The following EPB41L5 variants were observed in gnomAD, a reference collection of about 807,000 sequenced individuals.
EPB41L5 encodes the protein band 4.1-like protein 5.
EPB41L5 carries 55 observed loss-of-function variants against 106.6 expected under a neutral mutation model. The ratio of observed to expected loss-of-function variants is 0.52; its 90% CI spans 0.42 to 0.65. The LOEUF is 0.65. EPB41L5 is among the 30% of genes least tolerant of loss of function. The pLI is 0.00. For synonymous variants in EPB41L5, 297 were observed against 306.7 expected, an observed-to-expected ratio of 0.97 and a Z score of 0.33; for missense variants, 871 against 882.1, an observed-to-expected ratio of 0.99 and a Z score of 0.16.
In EPB41L5 at chr2:120,087,171, G is replaced by C; in HGVS notation, c.804G>C (p.Trp268Cys). ...EGDTKIGLFF[W>C]PKITRLDFKK... ...CTTTTATTCTCTTATTATATTATAGGCCGAAGATAACCAGATTGGATTTTA... is the reference window on the plus strand; with the variant it reads ...CTTTTATTCTCTTATTATATTATAGCCCGAAGATAACCAGATTGGATTTTA... Residue 268 changes from tryptophan (W) to cysteine (C), a missense_variant and splice_region_variant, in exon 11 of 25, where the codon TGG becomes TGC. Trp to Cys is a radical substitution (Grantham distance 215). Coordinates refer to ENST00000263713, the MANE Select transcript of EPB41L5 (RefSeq NM_020909.4). 1 of 1,566,250 alleles carries C rather than the reference G, an allele frequency of 6.4e-7. No individual in the cohort carries two copies. Among genetic ancestry groups the C allele is most frequent in the Non-Finnish European group, 8.8e-7 (1 of 1,140,240 alleles).
In EPB41L5 at chr2:120,077,106, A is replaced by T. The variant is rs753609631; in HGVS notation, c.626+15A>T. On this transcript the variant is annotated intron_variant, in intron 8 of 24. Transcript: ENST00000263713. ...AAGGAATACAGGTATCTGGCGTTTG[A>T]CCATACTTTCTTTAAAATCACCACA... The T allele has an allele frequency of 6.2e-7, 1 of 1,606,122 alleles. No individual in the cohort carries two copies. Among genetic ancestry groups the T allele is most frequent in the Non-Finnish European group, 8.5e-7 (1 of 1,176,846 alleles).
intron 16 of EPB41L5, among the ~76,000 whole-genome samples, chr2:120,121,827 C>G (rs564898798): frequency 6.6e-6 from 1 of 152,220 alleles, no homozygotes; most frequent in Admixed American, 6.5e-5. Flanking sequence ...TCTCCACATC[C>G]TCTCCAGCAT....
At chr2:120,046,032 C>G (rs933653581) in intron 3 of EPB41L5, among the ~76,000 whole-genome samples, 20 of 149,178 alleles carry the variant, frequency 1.3e-4, no homozygotes, top group Non-Finnish European at 2.5e-4. Flanking sequence ...TGTATATGTG[C>G]CACATTTTCT....
chr2:120,154,795 G>A (rs1001229844), intron 20 of EPB41L5, among the ~76,000 whole-genome samples: 14 of 151,938 alleles, frequency 9.2e-5, no homozygotes, highest in Non-Finnish European at 1.5e-4. Flanking sequence ...GCGTGGTGGC[G>A]GGTGCCTATA....
intron 18 of EPB41L5, among the ~76,000 whole-genome samples, chr2:120,141,224 G>A (rs1022939237): frequency 7.2e-5 from 11 of 152,114 alleles, no homozygotes; most frequent in African/African-American, 2.7e-4. Context: ...TCGCAGACGA[G>A]TGGAATGACA....
chr2:120,055,143 G>A (rs543553992), intron 3 of EPB41L5, among the ~76,000 whole-genome samples: 47 of 152,026 alleles, frequency 3.1e-4, no homozygotes, highest in Non-Finnish European at 5.6e-4. Flanking sequence ...AATTATAGGC[G>A]TGAGCCACCA....
intron 16 of EPB41L5, chr2:120,101,758 C>T (rs1425763037): frequency 2.0e-5 from 3 of 152,158 alleles, no homozygotes; most frequent in Non-Finnish European, 4.4e-5. Flanking sequence ...TAACTAACTG[C>T]AGGGTGCCTT....
intron 16 of EPB41L5, among the ~76,000 whole-genome samples, chr2:120,119,301 TTTTG>T (rs889302312): frequency 5.3e-5 from 8 of 152,156 alleles, no homozygotes; most frequent in East Asian, 1.9e-4. Context: ...GACAGTTTTT[TTTTG>T]TTTGTCTTTG....
In EPB41L5 at chr2:120,048,617, AT is replaced by A. The variant is rs905675217; in HGVS notation, c.285+6514del. Among the ~76,000 whole-genome samples the A allele has an allele frequency of 4.0e-5, 6 of 151,276 alleles. No homozygotes were observed. The East Asian group carries it at 5.8e-4, about 15-fold the overall frequency. The stretch of plus-strand genomic sequence containing the variant: ...AAAAAAACAGCTCCTGCATTGATTG[AT>A]TTTTTTGAAGGGTTTTTTGTGTCTT... On this transcript the variant is annotated intron_variant, in intron 3 of 24. Transcript: ENST00000263713.
rs770183574 is a variant in EPB41L5, at chr2:120,042,073, A to G, written c.248A>G (p.Tyr83Cys). The G allele has an allele frequency of 2.5e-6, 4 of 1,613,674 alleles. No homozygotes were observed. The highest frequency in any genetic ancestry group is 1.7e-5 in the Admixed American group (1 of 60,018). Residue 83 changes from tyrosine to cysteine, a missense_variant, in exon 3 of 25, where the codon TAT becomes TGT. Tyr to Cys is a radical substitution (Grantham distance 194, BLOSUM62 -2). Coordinates refer to ENST00000263713, the MANE Select transcript of EPB41L5 (RefSeq NM_020909.4). Reference sequence around the variant, plus strand: ...CACCTGGACCTGATTGAAAGCGACTATTTTGGTCTGAGATTTATGGATTCA... The same window carrying G: ...CACCTGGACCTGATTGAAAGCGACTGTTTTGGTCTGAGATTTATGGATTCA... The part of the protein sequence containing the change: ...MYHLDLIESD[Y>C]FGLRFMDSAQ...
intron 16 of EPB41L5, among the ~76,000 whole-genome samples, chr2:120,120,736 G>A (rs1685180745): frequency 6.6e-6 from 1 of 152,122 alleles, no homozygotes; most frequent in African/African-American, 2.4e-5. Flanking sequence ...AATAATGAGG[G>A]GATTGAGAAC....
intron 16 of EPB41L5, among the ~76,000 whole-genome samples, chr2:120,119,548 G>T (rs1685113653): frequency 1.3e-5 from 2 of 151,940 alleles, no homozygotes; most frequent in South Asian, 4.1e-4. Flanking sequence ...ATAAGGAAGG[G>T]GTCCAGTTTC....
chr2:120,089,493 A>G (rs907840613), intron 11 of EPB41L5, among the ~76,000 whole-genome samples: 3 of 152,040 alleles, frequency 2.0e-5, no homozygotes, highest in East Asian at 1.9e-4. Flanking sequence ...ACGTGTACCT[A>G]TGTAGATCTA....
chr2:120,069,716 T>C (rs1681726220), intron 3 of EPB41L5, among the ~76,000 whole-genome samples: 4 of 152,168 alleles, frequency 2.6e-5, no homozygotes, highest in African/African-American at 9.7e-5. Flanking sequence ...CCTGAATGAC[T>C]ACTGGGTAAA....
chr2:120,067,843 T>C (rs930837778), intron 3 of EPB41L5, among the ~76,000 whole-genome samples: 1 of 152,132 alleles, frequency 6.6e-6, no homozygotes, highest in African/African-American at 2.4e-5. Context: ...CACTGGAATA[T>C]GGGGATACTT....
chr2:120,160,393 A>G, intron 20 of EPB41L5, among the ~76,000 whole-genome samples: 1 of 152,200 alleles, frequency 6.6e-6, no homozygotes, highest in East Asian at 1.9e-4. Context: ...ACATGTGACA[A>G]TACGTTAAGC....
At chr2:120,165,992 A>C (rs1235281625) in intron 22 of EPB41L5, among the ~76,000 whole-genome samples, 4 of 151,550 alleles carry the variant, frequency 2.6e-5, no homozygotes, top group Non-Finnish European at 4.4e-5. Context: ...AAAAAAAAAA[A>C]AACAGAAATG....
intron 16 of EPB41L5, among the ~76,000 whole-genome samples, chr2:120,124,983 C>T (rs893003749): frequency 6.6e-6 from 1 of 152,006 alleles, no homozygotes; most frequent in Non-Finnish European, 1.5e-5. Flanking sequence ...ATTTTAAGAC[C>T]GAATGGATTT....
chr2:120,106,479 A>C, intron 16 of EPB41L5: 1 of 985,220 alleles, frequency 1.0e-6, no homozygotes, highest in Middle Eastern at 5.2e-4. Flanking sequence ...TACACTCTAC[A>C]TTTTATTATG....
Sources: allele counts gnomAD v4.1 joint callset (sites outside exome capture counted in the v4.1 genomes callset), GRCh38; gene constraint gnomAD v4.1.1; transcripts MANE v1.5; gene names NCBI Gene and HGNC (gene_info 2026-07-23, HGNC 2026-07-21).